FBXO4: variants seen among roughly 807,000 people sequenced by gnomAD.
FBXO4 encodes the protein F-box protein 4, also known as F-box only protein 4.
FBXO4 carries 36 observed loss-of-function variants against 43.7 expected under a neutral mutation model. The ratio of observed to expected loss-of-function variants is 0.82; its 90% confidence interval spans 0.63 to 1.09. The LOEUF (loss-of-function observed/expected upper bound fraction) is 1.09, where lower values mean the gene tolerates loss of function less well. FBXO4 is among the 50% of genes least tolerant of loss of function. The pLI is 0.00. For missense variants in FBXO4, 435 were observed against 474.1 expected (o/e 0.92, Z 0.77); for synonymous variants, 180 against 165.6 (o/e 1.09, Z -0.67).
chr5:42,009,051 T>C, the FBXO4 span, among the ~76,000 whole-genome samples: 1 of 152,166 alleles, frequency 6.6e-6, no homozygotes, highest in Admixed American at 6.6e-5. Flanking sequence ...CACATAGGCC[T>C]CATTCCCGCT....
chr5:41,951,656 ACTT>A, the FBXO4 span: 2 of 202,932 alleles, frequency 9.9e-6, no homozygotes, highest in Admixed American at 1.2e-4. Flanking sequence ...CACGTGCATA[ACTT>A]CTTGGCCACC....
chr5:41,942,404 A>G (rs1752019490), downstream of FBXO4, among the ~76,000 whole-genome samples: 2 of 150,682 alleles, frequency 1.3e-5, no homozygotes, highest in African/African-American at 5.0e-5. Flanking sequence ...AAGCAGAACA[A>G]TGCTTTTATA....
downstream of FBXO4, among the ~76,000 whole-genome samples, chr5:41,946,174 C>G (rs984933709): frequency 1.3e-5 from 2 of 152,194 alleles, no homozygotes; most frequent in African/African-American, 2.4e-5. Context: ...ACCCAGCTTT[C>G]ACTGTCTTGT....
At chr5:41,981,859 A>G in the FBXO4 span, among the ~76,000 whole-genome samples, 1 of 150,460 alleles carries the variant, frequency 6.6e-6, no homozygotes. Context: ...TTAACTCCTC[A>G]TTTAGCATTA....
chr5:42,003,041 A>G, the FBXO4 span, among the ~76,000 whole-genome samples: 130 of 152,254 alleles, frequency 8.5e-4, no homozygotes, highest in African/African-American at 2.9e-3. Flanking sequence ...TGTTTTTGTA[A>G]CGTAACCTGC....
chr5:41,999,494 CATAT>C, the FBXO4 span, among the ~76,000 whole-genome samples: 9 of 86,872 alleles, frequency 1.0e-4, no homozygotes, highest in South Asian at 3.4e-4. Flanking sequence ...TATATATATA[CATAT>C]ATATATGTGT....
the FBXO4 span, among the ~76,000 whole-genome samples, chr5:42,040,137 A>T: frequency 6.6e-6 from 1 of 152,074 alleles, no homozygotes; most frequent in African/African-American, 2.4e-5. Flanking sequence ...TAGCAGCAGA[A>T]AACTAATACA....
chr5:41,980,763 C>T, the FBXO4 span, among the ~76,000 whole-genome samples: 2 of 151,744 alleles, frequency 1.3e-5, no homozygotes, highest in Non-Finnish European at 2.9e-5. Flanking sequence ...TACACTTTAG[C>T]TACCTGTGTA....
At chr5:41,933,838 T>TA in intron 3 of FBXO4, 108 bp from the exon 4 acceptor site, 1 of 770,048 alleles carries the variant, frequency 1.3e-6, no homozygotes, top group South Asian at 1.8e-5. Flanking sequence ...TATAAGTTGT[T>TA]ATAGAATTTT....
At chr5:42,034,211 G>T in the FBXO4 span, among the ~76,000 whole-genome samples, 1 of 151,926 alleles carries the variant, frequency 6.6e-6, no homozygotes, top group Non-Finnish European at 1.5e-5. Flanking sequence ...TGATGGGTTT[G>T]TTTGTTTTTA....
the FBXO4 span, among the ~76,000 whole-genome samples, chr5:41,992,035 G>A: frequency 1.3e-5 from 2 of 152,060 alleles, no homozygotes; most frequent in African/African-American, 2.4e-5. Flanking sequence ...CCGAGATGGC[G>A]CCATTGCACT....
At chr5:41,929,957 G>A in intron 3 of FBXO4, 40 bp downstream of exon 3, 1 of 1,384,666 alleles carries the variant, frequency 7.2e-7, no homozygotes, top group South Asian at 1.3e-5. Context: ...CAAACACTTT[G>A]AGCTTGACAT....
chr5:42,033,275 C>T, the FBXO4 span, among the ~76,000 whole-genome samples: 1 of 152,098 alleles, frequency 6.6e-6, no homozygotes, highest in African/African-American at 2.4e-5. Flanking sequence ...TGTCTCTTGT[C>T]CCAGTTCAAC....
chr5:41,953,941 G>T, the FBXO4 span, among the ~76,000 whole-genome samples: 3 of 152,144 alleles, frequency 2.0e-5, no homozygotes, highest in Non-Finnish European at 4.4e-5. Context: ...CTGAAGAAAA[G>T]TTTAAAATCT....
the FBXO4 span, among the ~76,000 whole-genome samples, chr5:41,954,306 A>G: frequency 2.0e-5 from 3 of 152,322 alleles, no homozygotes; most frequent in East Asian, 5.8e-4. Flanking sequence ...AAAGAGTAAA[A>G]ACTTTATGAG....
chr5:41,963,296 A>C, the FBXO4 span, among the ~76,000 whole-genome samples: 2 of 152,100 alleles, frequency 1.3e-5, no homozygotes, highest in African/African-American at 4.8e-5. Context: ...TGGAGGTATT[A>C]ATCTTTTTTT....
At chr5:41,971,205 GGT>G in the FBXO4 span, among the ~76,000 whole-genome samples, 3,905 of 147,124 alleles carry the variant, frequency 0.027, 107 homozygotes, top group African/African-American at 0.072. Flanking sequence ...ACTAGAGAGA[GGT>G]GTGTGTGTGT....
the FBXO4 span, among the ~76,000 whole-genome samples, chr5:42,014,792 T>C: frequency 2.0e-5 from 3 of 152,148 alleles, no homozygotes; most frequent in African/African-American, 7.2e-5. Context: ...TCCAAGTCTC[T>C]TTACATCCTC....
chr5:42,009,196 C>A, the FBXO4 span, among the ~76,000 whole-genome samples: 1 of 152,106 alleles, frequency 6.6e-6, no homozygotes. Context: ...GATCTGGCCA[C>A]TGACTTAGCT....
Sources: allele counts gnomAD v4.1 joint callset (sites outside exome capture counted in the v4.1 genomes callset), GRCh38; gene constraint gnomAD v4.1.1; transcripts MANE v1.5; gene names NCBI Gene and HGNC (gene_info 2026-07-23, HGNC 2026-07-21).